Variants in WDR93 observed in about 807,000 individuals in gnomAD.
WDR93 encodes the protein WD repeat domain 93.
Under a neutral mutation model 82.9 loss-of-function variants are expected in WDR93, and 73 were observed. The observed-to-expected ratio is 0.88, with a 90% CI of 0.73 to 1.07. WDR93 has a LOEUF of 1.07. Among genes scored for constraint, WDR93 ranks in the 50% least tolerant of loss-of-function variants. The probability of loss-of-function intolerance (pLI) is 0.00; values close to 1 mark genes in which losing one functional copy is unlikely to be tolerated. For missense variants in WDR93, 738 were observed against 826.0 expected (o/e 0.89, Z 1.31); for synonymous variants, 283 against 300.1 (o/e 0.94, Z 0.59).
At chr15:89,733,897 C>T (rs920459949) in intron 13 of WDR93, among the ~76,000 whole-genome samples, 1 of 152,042 alleles carries the variant, frequency 6.6e-6, no homozygotes, top group East Asian at 1.9e-4. Flanking sequence ...AGAAGAGGCT[C>T]ATTTCTCCCA....
chr15:89,732,634 C>CAA (rs758398681), intron 12 of WDR93, among the ~76,000 whole-genome samples: 51 of 152,052 alleles, frequency 3.4e-4, no homozygotes, highest in Non-Finnish European at 6.0e-4. Context: ...CACACACACA[C>CAA]ACACACACCG....
At position 89,738,191 on chromosome 15, in the gene WDR93, A is replaced by C. The variant is rs144543841; in HGVS notation, c.1916A>C (p.Gln639Pro). The change falls in exon 16 of 17, where the codon CAA (glutamine) becomes CCA (proline). Residue 639 changes from glutamine (Q) to proline (P), a missense_variant. By Grantham distance (76) the Gln-to-Pro change is moderately conservative. Coordinates refer to ENST00000268130, the MANE Select transcript of WDR93 (RefSeq NM_020212.2). ...QRDLDNMAFP[Q>P]ALPLEKRCER... ...GACTTGGATAACATGGCCTTCCCCC[A>C]AGCACTGCCACTGGAGAAGAGATGT... 985 of 1,613,870 alleles carry C rather than the reference A, an allele frequency of 6.1e-4. 1 individual carries two copies. The highest frequency in any genetic ancestry group is 7.9e-4 in the Non-Finnish European group (936 of 1,179,898).
intron 14 of WDR93, among the ~76,000 whole-genome samples, chr15:89,737,234 G>A (rs1967273022): frequency 6.6e-6 from 1 of 152,230 alleles, no homozygotes; most frequent in African/African-American, 2.4e-5. Flanking sequence ...GGGAAGGAAA[G>A]GCATTGGGAG....
At chr15:89,735,997 G>A (rs1398766935) in intron 14 of WDR93, among the ~76,000 whole-genome samples, 1 of 152,208 alleles carries the variant, frequency 6.6e-6, no homozygotes, top group Non-Finnish European at 1.5e-5. Flanking sequence ...TGAGATTGCT[G>A]TGGAATGTGG....
chr15:89,732,601 T>G (rs1276503064), intron 12 of WDR93, among the ~76,000 whole-genome samples: 6 of 145,580 alleles, frequency 4.1e-5, no homozygotes, highest in Non-Finnish European at 8.9e-5. Context: ...GGATATTAAG[T>G]TCTTGTTGTT....
intron 4 of WDR93, among the ~76,000 whole-genome samples, chr15:89,709,558 A>G (rs940668146): frequency 5.3e-5 from 8 of 151,816 alleles, no homozygotes; most frequent in Admixed American, 1.3e-4. Context: ...TCCAGAATAT[A>G]TAAAGAACTC....
At chr15:89,710,715 A>T (rs1965937123) in intron 4 of WDR93, among the ~76,000 whole-genome samples, 1 of 152,238 alleles carries the variant, frequency 6.6e-6, no homozygotes, top group Non-Finnish European at 1.5e-5. Flanking sequence ...GTGGATTAAA[A>T]CACATAAAAA....
chr15:89,696,725 G>A (rs1030807979), intron 1 of WDR93, among the ~76,000 whole-genome samples: 1 of 152,124 alleles, frequency 6.6e-6, no homozygotes. Context: ...GAACTCCGGG[G>A]CTCAAGCAAT....
upstream of WDR93, chr15:89,690,474 C>T: frequency 1.3e-6 from 1 of 791,438 alleles, no homozygotes; most frequent in South Asian, 1.7e-5. Context: ...CTTCCTGCTT[C>T]CATCTACTAG....
At chr15:89,742,076 C>T (rs1000898542) in intron 16 of WDR93, among the ~76,000 whole-genome samples, 1 of 151,782 alleles carries the variant, frequency 6.6e-6, no homozygotes, top group African/African-American at 2.4e-5. Flanking sequence ...AGATAGCATT[C>T]ACCATTTTTG....
intron 15 of WDR93, 111 bp downstream of exon 15, chr15:89,737,840 A>G (rs1344711415): frequency 3.4e-6 from 5 of 1,485,080 alleles, no homozygotes; most frequent in Non-Finnish European, 4.6e-6. Context: ...CCCCTCTACC[A>G]TAGGCCAAAG....
At chr15:89,720,528 C>A (rs1966483315) in intron 7 of WDR93, among the ~76,000 whole-genome samples, 1 of 152,204 alleles carries the variant, frequency 6.6e-6, no homozygotes, top group Non-Finnish European at 1.5e-5. Context: ...GCCTCGACCT[C>A]CCAAAGTGCT....
chr15:89,733,363 A>G (rs1395608794), intron 13 of WDR93, 144 bp downstream of exon 13: 6 of 750,966 alleles, frequency 8.0e-6, no homozygotes, highest in Non-Finnish European at 1.1e-5. Context: ...GAAGATCACC[A>G]ATGTCACATA....
At chr15:89,695,647 G>A (rs550576131) in intron 1 of WDR93, among the ~76,000 whole-genome samples, 7 of 152,198 alleles carry the variant, frequency 4.6e-5, no homozygotes, top group African/African-American at 1.7e-4. Context: ...TATTGAACTT[G>A]TATCTTACCA....
chr15:89,738,020 G>T (rs1317262836), intron 15 of WDR93, 21 bp from the exon 16 acceptor site: 2 of 1,589,960 alleles, frequency 1.3e-6, no homozygotes, highest in Non-Finnish European at 1.7e-6. Flanking sequence ...CACAGAACAT[G>T]GTGTTCTTGT....
At chr15:89,726,658 G>C (rs1966749116) in intron 8 of WDR93, among the ~76,000 whole-genome samples, 1 of 152,228 alleles carries the variant, frequency 6.6e-6, no homozygotes, top group Non-Finnish European at 1.5e-5. Context: ...AGTAAGAAAA[G>C]TGACTGACAG....
chr15:89,724,303 T>C (rs533254372), intron 8 of WDR93, among the ~76,000 whole-genome samples: 4 of 152,140 alleles, frequency 2.6e-5, no homozygotes, highest in Admixed American at 2.0e-4. Context: ...AATCGCACCA[T>C]TGCACTCCTG....
At chr15:89,725,309 T>C (rs1966689120) in intron 8 of WDR93, among the ~76,000 whole-genome samples, 2 of 152,278 alleles carry the variant, frequency 1.3e-5, no homozygotes, top group East Asian at 1.9e-4. Flanking sequence ...ATGAACAATA[T>C]TGAGCAAAAG....
At chr15:89,693,632 T>TAAAC (rs776394059) in intron 1 of WDR93, among the ~76,000 whole-genome samples, 1 of 152,120 alleles carries the variant, frequency 6.6e-6, no homozygotes, top group Non-Finnish European at 1.5e-5. Flanking sequence ...AAATACAATT[T>TAAAC]AAACAAACAA....
Sources: gnomAD v4.1 joint callset for allele counts (sites outside exome capture counted in the v4.1 genomes callset) on GRCh38, gnomAD v4.1.1 for gene constraint, MANE v1.5 for transcripts, NCBI Gene and HGNC (gene_info 2026-07-23, HGNC 2026-07-21) for gene names.